Variants in DLG2 observed in about 807,000 individuals in gnomAD.
The protein encoded by DLG2 is discs large MAGUK scaffold protein 2.
In DLG2, 45 loss-of-function variants were observed where a neutral mutation model predicts 132.5. The ratio of observed to expected loss-of-function variants is 0.34; its 90% CI spans 0.27 to 0.44. DLG2 has a LOEUF of 0.44. Ranked by LOEUF, DLG2 falls within the 20% of genes least tolerant of loss-of-function variation. DLG2 has a pLI of 1.00. For missense variants in DLG2, 1,045 were observed against 1,196.9 expected, an observed-to-expected ratio of 0.87 and a Z score of 1.87; for synonymous variants, 424 against 419.6, an observed-to-expected ratio of 1.01 and a Z score of -0.13.
At chr11:83,493,279 G>T (rs866586274) in intron 21 of DLG2, among the ~76,000 whole-genome samples, 1 of 151,802 alleles carries the variant, frequency 6.6e-6, no homozygotes, top group Non-Finnish European at 1.5e-5. Flanking sequence ...TTTCTGACAG[G>T]CCTGTCTAAA....
At chr11:84,871,781 A>G (rs2085500892) in intron 6 of DLG2, among the ~76,000 whole-genome samples, 1 of 152,076 alleles carries the variant, frequency 6.6e-6, no homozygotes, top group Non-Finnish European at 1.5e-5. Flanking sequence ...GGAGTGCAGT[A>G]CCACGATCCT....
At chr11:85,507,826 A>G (rs1204875115) in intron 3 of DLG2, among the ~76,000 whole-genome samples, 1 of 152,088 alleles carries the variant, frequency 6.6e-6, no homozygotes, top group Admixed American at 6.6e-5. Context: ...CCGTTCTCCC[A>G]TCACTTTCCA....
chr11:84,166,674 G>T (rs2095673957), intron 8 of DLG2, among the ~76,000 whole-genome samples: 1 of 152,086 alleles, frequency 6.6e-6, no homozygotes, highest in African/African-American at 2.4e-5. Context: ...TACAGTGGTT[G>T]CTTACTGAGT....
chr11:83,673,787 G>A (rs2153580324), intron 18 of DLG2, among the ~76,000 whole-genome samples: 1 of 152,336 alleles, frequency 6.6e-6, no homozygotes, highest in East Asian at 1.9e-4. Flanking sequence ...AGAAGTAAAT[G>A]AGATAACATG....
chr11:84,050,464 A>G (rs1333971776), intron 11 of DLG2, among the ~76,000 whole-genome samples: 1 of 151,862 alleles, frequency 6.6e-6, no homozygotes, highest in Non-Finnish European at 1.5e-5. Flanking sequence ...CCCATTCTGT[A>G]GGTTGCCTGT....
At chr11:85,446,959 A>T (rs2092038093) in intron 3 of DLG2, among the ~76,000 whole-genome samples, 1 of 152,182 alleles carries the variant, frequency 6.6e-6, no homozygotes, top group Admixed American at 6.5e-5. Flanking sequence ...TTTTAGTCTA[A>T]TGAATCACGG....
At chr11:84,759,287 T>A (rs1225563108) in intron 6 of DLG2, among the ~76,000 whole-genome samples, 1 of 152,134 alleles carries the variant, frequency 6.6e-6, no homozygotes, top group Non-Finnish European at 1.5e-5. Flanking sequence ...GAGAAGCTAT[T>A]AGGCTAAAGG....
chr11:84,502,112 GTCTTTCTC>G (rs201753012), intron 7 of DLG2, among the ~76,000 whole-genome samples: 1,828 of 62,562 alleles, frequency 0.029, 47 homozygotes, highest in Middle Eastern at 0.041. Flanking sequence ...CACTCTCTCT[GTCTTTCTC>G]TCTTTCTCTC....
At chr11:84,947,696 C>T (rs1052679327) in intron 6 of DLG2, among the ~76,000 whole-genome samples, 21 of 152,292 alleles carry the variant, frequency 1.4e-4, no homozygotes, top group Middle Eastern at 3.4e-3. Flanking sequence ...GAGTGGTCTT[C>T]ATTTACTTCC....
At chr11:83,525,779 CT>C (rs1377218362) in intron 21 of DLG2, among the ~76,000 whole-genome samples, 2 of 152,180 alleles carry the variant, frequency 1.3e-5, no homozygotes, top group Admixed American at 1.3e-4. Flanking sequence ...AAAGAGCTTT[CT>C]TTCGAGGGCA....
At chr11:85,417,837 T>G (rs1273552953) in intron 3 of DLG2, among the ~76,000 whole-genome samples, 1 of 152,184 alleles carries the variant, frequency 6.6e-6, no homozygotes, top group African/African-American at 2.4e-5. Flanking sequence ...TCTCTTTTCT[T>G]CTTTATTAGT....
chr11:85,224,907 G>A (rs2074880514), intron 4 of DLG2, among the ~76,000 whole-genome samples: 1 of 152,044 alleles, frequency 6.6e-6, no homozygotes, highest in African/African-American at 2.4e-5. Context: ...TTTCTCATTG[G>A]ATAATGTTAC....
intron 19 of DLG2, among the ~76,000 whole-genome samples, chr11:83,564,884 G>A (rs2096676581): frequency 6.6e-6 from 1 of 151,892 alleles, no homozygotes; most frequent in Non-Finnish European, 1.5e-5. Context: ...GATCAAGGAA[G>A]GGGATTTGCA....
At chr11:85,509,013 C>T (rs2093997664) in intron 3 of DLG2, among the ~76,000 whole-genome samples, 1 of 152,022 alleles carries the variant, frequency 6.6e-6, no homozygotes, top group Non-Finnish European at 1.5e-5. Context: ...TTCATTGTTT[C>T]CTCCTAAATC....
chr11:85,431,041 G>T (rs867494505), intron 3 of DLG2, among the ~76,000 whole-genome samples: 125 of 152,004 alleles, frequency 8.2e-4, no homozygotes, highest in African/African-American at 2.7e-3. Flanking sequence ...TAATTTTTTA[G>T]TTTTTTTTAT....
chr11:84,515,823 A>C (rs1591348417), intron 7 of DLG2, among the ~76,000 whole-genome samples: 1 of 151,848 alleles, frequency 6.6e-6, no homozygotes, highest in East Asian at 1.9e-4. Context: ...TCCAAAATAG[A>C]TCATGTGTGA....
intron 20 of DLG2, among the ~76,000 whole-genome samples, chr11:83,535,783 A>C (rs1259300988): frequency 6.6e-6 from 1 of 152,104 alleles, no homozygotes; most frequent in East Asian, 1.9e-4. Context: ...TGGCTGCTGA[A>C]GTTGCAACAT....
chr11:84,415,625 T>C lies in DLG2; in HGVS notation c.519+118945A>G, dbSNP rs754761416. Among the ~76,000 whole-genome samples, 64 of 152,160 alleles carry C rather than the reference T, an allele frequency of 4.2e-4. 1 individual carries two copies. The highest frequency in any genetic ancestry group is 8.1e-4 in the Non-Finnish European group (55 of 68,026). On this transcript the variant is annotated intron_variant, in intron 7 of 27. Coordinates refer to ENST00000376104, the MANE Select transcript of DLG2 (RefSeq NM_001142699.3). ...AGGATTCGTGATTCCAAAGTGGAGA[T>C]TTGTCATAGGTGTGGCCAGCGCCAG...
In DLG2 at chr11:83,706,041, A is replaced by T. The variant is rs189901916; in HGVS notation, c.1826-72716T>A. 8.9e-4 allele frequency among the ~76,000 whole-genome samples: 136 copies of T among 152,160 alleles called. 1 individual carries two copies. Among genetic ancestry groups the T allele is most frequent in the South Asian group, 8.7e-3 (42 of 4,810 alleles). On this transcript the variant is annotated intron_variant, in intron 18 of 27. Coordinates refer to ENST00000376104, the MANE Select transcript of DLG2 (RefSeq NM_001142699.3). The stretch of plus-strand genomic sequence containing the variant: ...AGACCATCCTGGCCAACATGGTGAA[A>T]CCCCGTCTCTACTAAAAATACAAAA...
Sources: allele counts gnomAD v4.1 joint callset (sites outside exome capture counted in the v4.1 genomes callset), GRCh38; gene constraint gnomAD v4.1.1; transcripts MANE v1.5; gene names NCBI Gene and HGNC (gene_info 2026-07-23, HGNC 2026-07-21).